EPS15L1: variants seen among roughly 807,000 people sequenced by gnomAD.
EPS15L1 encodes the protein epidermal growth factor receptor substrate 15-like 1.
In EPS15L1, 43 loss-of-function variants were observed where a neutral mutation model predicts 117.1. That is an observed-to-expected ratio of 0.37 (90% CI 0.29 to 0.47). The LOEUF (loss-of-function observed/expected upper bound fraction) is 0.47. Ranked by LOEUF, EPS15L1 falls within the 20% of genes least tolerant of loss-of-function variation. The probability of loss-of-function intolerance (pLI) is 0.99; values close to 1 mark genes in which losing one functional copy is unlikely to be tolerated. For missense variants in EPS15L1, 981 were observed against 1,164.0 expected, an observed-to-expected ratio of 0.84 and a Z score of 2.29; for synonymous variants, 459 against 470.5, an observed-to-expected ratio of 0.98 and a Z score of 0.32.
chr19:16,377,299 C>T, intron 21 of EPS15L1, 45 bp from the exon 22 acceptor site: 1 of 1,606,636 alleles, frequency 6.2e-7, no homozygotes, highest in Non-Finnish European at 8.5e-7. Flanking sequence ...GTTGTTAAAA[C>T]AAAGGTGACG....
intron 1 of EPS15L1, among the ~76,000 whole-genome samples, chr19:16,459,128 C>G (rs1283121070): frequency 1.3e-5 from 2 of 152,226 alleles, no homozygotes; most frequent in Non-Finnish European, 2.9e-5. Flanking sequence ...AGGAAAAATA[C>G]AGCAGTATAA....
chr19:16,407,202 C>T (rs952085710), intron 13 of EPS15L1, among the ~76,000 whole-genome samples: 2 of 152,210 alleles, frequency 1.3e-5, no homozygotes, highest in Non-Finnish European at 2.9e-5. Flanking sequence ...GCTCAGGGTA[C>T]CTCACCACTT....
intron 1 of EPS15L1, among the ~76,000 whole-genome samples, chr19:16,443,791 GA>G (rs1212432448): frequency 6.6e-6 from 1 of 151,994 alleles, no homozygotes; most frequent in Non-Finnish European, 1.5e-5. Flanking sequence ...AATGTATAAA[GA>G]AGTGAAAGTT....
intron 1 of EPS15L1, among the ~76,000 whole-genome samples, chr19:16,467,936 C>T (rs968409858): frequency 1.1e-4 from 17 of 152,248 alleles, no homozygotes; most frequent in Non-Finnish European, 1.2e-4. Context: ...GGAATAAAAG[C>T]CTCCTAGAAT....
intron 22 of EPS15L1, among the ~76,000 whole-genome samples, chr19:16,364,814 C>T (rs1599524399): frequency 1.3e-5 from 2 of 152,162 alleles, no homozygotes; most frequent in Non-Finnish European, 2.9e-5. Flanking sequence ...GGGCCCCTCA[C>T]CTCCACCCTC....
chr19:16,386,298 A>C, intron 19 of EPS15L1, 67 bp from the exon 20 acceptor site: 1 of 1,281,100 alleles, frequency 7.8e-7, no homozygotes, highest in Non-Finnish European at 1.1e-6. Context: ...TCATTCAACC[A>C]GACCTTCCTG....
intron 10 of EPS15L1, among the ~76,000 whole-genome samples, chr19:16,420,120 C>T (rs2092799812): frequency 6.6e-6 from 1 of 152,240 alleles, no homozygotes; most frequent in Non-Finnish European, 1.5e-5. Flanking sequence ...CCGCCCCAGC[C>T]ACTCGCAGAC....
intron 1 of EPS15L1, among the ~76,000 whole-genome samples, chr19:16,458,649 T>C (rs566506424): frequency 1.8e-4 from 28 of 151,978 alleles, no homozygotes; most frequent in Non-Finnish European, 3.7e-4. Context: ...GGCCATCTCC[T>C]ACCTTGCCGG....
At chr19:16,468,565 CG>C (rs2093323141) in intron 1 of EPS15L1, among the ~76,000 whole-genome samples, 1 of 152,104 alleles carries the variant, frequency 6.6e-6, no homozygotes, top group South Asian at 2.1e-4. Flanking sequence ...AGGCTGGTCT[CG>C]AGCTCCTGGC....
intron 19 of EPS15L1, among the ~76,000 whole-genome samples, chr19:16,387,797 G>A (rs1377697753): frequency 6.6e-6 from 1 of 152,028 alleles, no homozygotes; most frequent in Non-Finnish European, 1.5e-5. Flanking sequence ...ACTTCATTAG[G>A]TTAGCTAAAT....
At chr19:16,393,884 C>G in intron 18 of EPS15L1, 67 bp downstream of exon 18, 4 of 1,488,830 alleles carry the variant, frequency 2.7e-6, no homozygotes, top group Non-Finnish European at 3.8e-6. Context: ...CAAGTCCCAC[C>G]ACATGCGACT....
intron 23 of EPS15L1, among the ~76,000 whole-genome samples, chr19:16,360,889 A>C (rs189223396): frequency 6.6e-6 from 1 of 152,340 alleles, no homozygotes; most frequent in East Asian, 1.9e-4. Flanking sequence ...GAGTCGAAGC[A>C]TCTATAAATA....
chr19:16,430,214 G>A (rs912172696), intron 7 of EPS15L1, among the ~76,000 whole-genome samples: 7 of 152,192 alleles, frequency 4.6e-5, no homozygotes, highest in Admixed American at 2.0e-4. Flanking sequence ...CCCCGTGCTC[G>A]AGTGGGTCAG....
At position 16,404,277 on chromosome 19, in the gene EPS15L1, C is replaced by G. The variant is rs995471487; in HGVS notation, c.1428+311G>C. Among the ~76,000 whole-genome samples the G allele has an allele frequency of 2.6e-5, 4 of 152,156 alleles. No individual in the cohort carries two copies. The highest frequency in any genetic ancestry group is 5.9e-5 in the Non-Finnish European group (4 of 68,040). On this transcript the variant is annotated intron_variant, in intron 14 of 23. Transcript: ENST00000455140. The surrounding 1 kb of genome is among the most constrained non-coding windows in gnomAD (Gnocchi z 4.2). ...GATCTGTGAGGAGCCTCAGAGACACCTGAGGAGGGGACACAGGCACCCTGG... is the reference window on the plus strand; with the variant it reads ...GATCTGTGAGGAGCCTCAGAGACACGTGAGGAGGGGACACAGGCACCCTGG...
chr19:16,405,889 C>G lies in EPS15L1; in HGVS notation c.1267-1140G>C, dbSNP rs114256252. The stretch of plus-strand genomic sequence containing the variant: ...AATAACCAAAGCTGAAATAGCACAA[C>G]GGGCATTGTGACAAGCCTCCTCCCT... On this transcript the variant is annotated intron_variant, in intron 13 of 23. Transcript: ENST00000455140. This position sits in a 1 kb window ranked among gnomAD's most constrained non-coding sequence, Gnocchi z 4.0. Among the ~76,000 whole-genome samples the G allele has an allele frequency of 6.6e-6, 1 of 152,340 alleles. No individual in the cohort carries two copies. Among genetic ancestry groups the G allele is most frequent in the African/African-American group, 2.4e-5 (1 of 41,570 alleles).
chr19:16,401,230 A>G (rs1056224843), intron 16 of EPS15L1: 22 of 985,528 alleles, frequency 2.2e-5, no homozygotes, highest in Non-Finnish European at 2.7e-5. Context: ...CAAGAGACAG[A>G]TGAGCTCGCC....
chr19:16,465,853 A>T (rs1263700453), intron 1 of EPS15L1, among the ~76,000 whole-genome samples: 4 of 152,142 alleles, frequency 2.6e-5, no homozygotes, highest in Non-Finnish European at 5.9e-5. Context: ...CAAACAAAAA[A>T]ATAACTTTCC....
At position 16,404,837 on chromosome 19, in the gene EPS15L1, G is replaced by A; in HGVS notation, c.1267-88C>T. 1.4e-6 allele frequency: 2 copies of A among 1,479,668 alleles called. No homozygotes were observed. The highest frequency in any genetic ancestry group is 1.9e-6 in the Non-Finnish European group (2 of 1,080,170). 91.7% of individuals were successfully genotyped at this position (1,479,668 alleles called of 1,614,324 possible). On this transcript the variant is annotated intron_variant, in intron 13 of 23. Coordinates refer to ENST00000455140, the MANE Select transcript of EPS15L1 (RefSeq NM_001258374.3). The surrounding 1 kb of genome is among the most constrained non-coding windows in gnomAD (Gnocchi z 4.2). ...GGGGGCAGCCTGGGCCAGAAGTCCA[G>A]GGGAAGCCTCCGAAACCACCCACTG...
At chr19:16,415,625 C>T (rs2092751320) in intron 12 of EPS15L1, among the ~76,000 whole-genome samples, 1 of 152,244 alleles carries the variant, frequency 6.6e-6, no homozygotes, top group Admixed American at 6.5e-5. Flanking sequence ...GCTCAGCCCA[C>T]ACTCCCCGAA....
Sources: gnomAD v4.1 joint callset for allele counts (sites outside exome capture counted in the v4.1 genomes callset) on GRCh38, gnomAD v4.1.1 for gene constraint, Gnocchi (gnomAD v3.1) non-coding constraint, MANE v1.5 for transcripts, NCBI Gene and HGNC (gene_info 2026-07-23, HGNC 2026-07-21) for gene names.